The following NFXL1 variants were observed in gnomAD, a reference collection of about 807,000 sequenced individuals.
The protein encoded by NFXL1 is nuclear transcription factor, X-box binding like 1.
A neutral mutation model predicts 123.3 loss-of-function variants in NFXL1; 66 were observed. The observed-to-expected ratio is 0.54, with a 90% confidence interval of 0.44 to 0.66. The LOEUF is 0.66. NFXL1 is among the 30% of genes least tolerant of loss of function. The pLI, the probability that NFXL1 is intolerant of heterozygous loss-of-function variation, is 0.00. For synonymous variants in NFXL1, 346 were observed against 360.8 expected (o/e 0.96, Z 0.46); for missense variants, 944 against 1,125.6 (o/e 0.84, Z 2.31).
chr4:47,899,951 G>A (rs530544911), intron 5 of NFXL1, among the ~76,000 whole-genome samples: 41 of 152,184 alleles, frequency 2.7e-4, no homozygotes, highest in Non-Finnish European at 4.6e-4. Flanking sequence ...CAAAAAGAAA[G>A]TAACATTAGT....
At chr4:47,904,058 T>C (rs978134429) in intron 4 of NFXL1, among the ~76,000 whole-genome samples, 11 of 152,356 alleles carry the variant, frequency 7.2e-5, no homozygotes, top group Middle Eastern at 6.8e-3. Context: ...AACAGCCGAC[T>C]TCTTAGTTTG....
In NFXL1 at chr4:47,851,904, T is replaced by C. The variant is rs191483982; in HGVS notation, c.2460A>G (p.Ser820=). The C allele has an allele frequency of 1.0e-4, 163 of 1,611,930 alleles. No homozygotes were observed. The highest frequency in any genetic ancestry group is 5.0e-4 in the Middle Eastern group (3 of 6,054). ...CCTTGCACGTTGTGTCACATTCTAT[T>C]GAAACCTGATTTTCACGTACTTTGT... ...QCNKVRENQV[S]IECDTTCKEM... The change falls in exon 21 of 23, where the codon TCA becomes TCG. Residue 820 remains serine (S), a synonymous_variant. Transcript: ENST00000507489.
At chr4:47,872,199 C>T (rs1164270747) in intron 18 of NFXL1, among the ~76,000 whole-genome samples, 1 of 152,150 alleles carries the variant, frequency 6.6e-6, no homozygotes. Context: ...CATGGTGGCT[C>T]ACCCCTGTAA....
chr4:47,897,682 C>T (rs1737162553), intron 9 of NFXL1, among the ~76,000 whole-genome samples: 1 of 152,028 alleles, frequency 6.6e-6, no homozygotes, highest in Non-Finnish European at 1.5e-5. Context: ...TGACATATAT[C>T]CACCATTATA....
At chr4:47,898,905 A>T (rs1737240948) in intron 7 of NFXL1, 48 bp from the exon 8 acceptor site, 1 of 1,611,276 alleles carries the variant, frequency 6.2e-7, no homozygotes, top group Non-Finnish European at 8.5e-7. Flanking sequence ...AGCAATAAAG[A>T]TTGCTTTGAC....
At chr4:47,906,769 T>G (rs1484141326) in intron 3 of NFXL1, among the ~76,000 whole-genome samples, 1 of 152,162 alleles carries the variant, frequency 6.6e-6, no homozygotes, top group Non-Finnish European at 1.5e-5. Flanking sequence ...TTTTAAAAAT[T>G]TATGTAAGAT....
rs1247618400 is a variant in NFXL1 at position 47,899,409 on chromosome 4, G to T, written c.787C>A (p.Pro263Thr). 1 of 1,613,734 alleles carries T rather than the reference G, an allele frequency of 6.2e-7. No individual in the cohort carries two copies. The highest frequency in any genetic ancestry group is 1.3e-5 in the African/African-American group (1 of 74,866). ...CGQVCEREFK[P>T]PCGHKCLLLC... is the part of the protein sequence containing the mutation. The stretch of plus-strand genomic sequence containing the variant: ...AGTAAACATTTATGGCCACAAGGAG[G>T]TTTAAATTCACGCTCACATACTTGG... Residue 263 changes from proline (P) to threonine (T), a missense_variant, in exon 6 of 23, where the codon CCT (proline) becomes ACT (threonine). This residue lies in a region of NFXL1 where 296 missense variants were observed against 395.1 expected (regional missense o/e 0.75). Transcript: ENST00000507489.
At position 47,878,586 on chromosome 4, in the gene NFXL1, T is replaced by C; in HGVS notation, c.2018A>G (p.His673Arg). 1.2e-6 allele frequency: 2 copies of C among 1,608,886 alleles called. No homozygotes were observed. Among genetic ancestry groups the C allele is most frequent in the Non-Finnish European group, 1.7e-6 (2 of 1,177,248 alleles). Residue 673 changes from histidine (H) to arginine (R), a missense_variant, in exon 17 of 23, where the codon CAC becomes CGC. Coordinates refer to ENST00000507489, the MANE Select transcript of NFXL1 (RefSeq NM_001278624.2). ...TTTGTGGCATTCTTTCATACATGTG[T>C]GATTCTGACAATCCAAGATTCTTCC... ...VCGRILDCQN[H>R]TCMKECHKVT...
At chr4:47,852,264 A>T (rs369420300) in intron 20 of NFXL1, 5 of 250,538 alleles carry the variant, frequency 2.0e-5, no homozygotes, top group African/African-American at 1.2e-4. Context: ...CAAAGTGTCC[A>T]GGGAATACAA....
chr4:47,868,040 G>A (rs1735202929), intron 18 of NFXL1, among the ~76,000 whole-genome samples: 1 of 152,184 alleles, frequency 6.6e-6, no homozygotes, highest in Non-Finnish European at 1.5e-5. Flanking sequence ...AAAGGGCTGG[G>A]CGCAGTGGCT....
chr4:47,905,446 C>T, intron 3 of NFXL1, 100 bp from the exon 4 acceptor site: 1 of 568,270 alleles, frequency 1.8e-6, no homozygotes, highest in Non-Finnish European at 3.2e-6. Context: ...CTAGCAATAT[C>T]AATTGCTCAA....
chr4:47,903,308 C>A lies in NFXL1; in HGVS notation c.532G>T (p.Gly178Ter). The change falls in exon 5 of 23, where the codon GGA (glycine) becomes TGA (stop). Residue 178 changes from glycine to a stop codon, truncating the protein, a stop_gained. Coordinates refer to ENST00000507489, the MANE Select transcript of NFXL1 (RefSeq NM_001278624.2). LOFTEE classifies it high-confidence loss of function. ...KRNQAVWSCS[G>*]CFCIFHMPCI... Reference sequence around the variant, plus strand: ...GGCATGTGAAATATACAGAAACATCCCGAACAGCTCCAAACCTAAGACAAA... The same window carrying A: ...GGCATGTGAAATATACAGAAACATCACGAACAGCTCCAAACCTAAGACAAA... 6.4e-7 allele frequency: 1 copy of A among 1,557,254 alleles called. No individual in the cohort carries two copies. Among genetic ancestry groups the A allele is most frequent in the South Asian group, 1.2e-5 (1 of 81,864 alleles).
chr4:47,874,957 A>G (rs916629171), intron 18 of NFXL1, among the ~76,000 whole-genome samples, 170 bp downstream of exon 18: 9 of 152,278 alleles, frequency 5.9e-5, no homozygotes, highest in Non-Finnish European at 1.2e-4. Context: ...TGAATTCAGG[A>G]TGAAGTACCC....
intron 14 of NFXL1, 43 bp downstream of exon 14, chr4:47,885,455 C>A: frequency 6.7e-7 from 1 of 1,500,158 alleles, no homozygotes; most frequent in Non-Finnish European, 9.2e-7. Flanking sequence ...GAAAGTACAA[C>A]CCACAGCAAT....
chr4:47,901,274 T>C (rs562370811), intron 5 of NFXL1, among the ~76,000 whole-genome samples: 1 of 152,186 alleles, frequency 6.6e-6, no homozygotes, highest in South Asian at 2.1e-4. Context: ...TTAAACAAAA[T>C]GGGTTCTTAA....
intron 2 of NFXL1, among the ~76,000 whole-genome samples, chr4:47,912,938 A>T (rs1373610343): frequency 2.0e-5 from 3 of 147,058 alleles, no homozygotes; most frequent in Non-Finnish European, 4.5e-5. Context: ...GCCTGAACCC[A>T]GGAGGCAGAG....
chr4:47,888,141 G>GCA (rs1736555593), intron 12 of NFXL1, among the ~76,000 whole-genome samples: 4 of 152,162 alleles, frequency 2.6e-5, no homozygotes, highest in African/African-American at 7.2e-5. Context: ...GGACATGGTG[G>GCA]CATATGCCTG....
rs142811796 is a variant in NFXL1 at position 47,863,485 on chromosome 4, C to T, written c.2247-570G>A. ...TCACTTGAGGCTGGGAGTTCGAGAC[C>T]AGCCTAGCCAACATGGTGAAAGCCC... On this transcript the variant is annotated intron_variant, in intron 18 of 22. Transcript: ENST00000507489. Among the ~76,000 whole-genome samples, 225 of 152,122 alleles carry T rather than the reference C, an allele frequency of 1.5e-3. 6 individuals are homozygous for T. In the East Asian group the frequency reaches 0.042, roughly 28 times the overall value.
rs540790538 is a variant in NFXL1, at chr4:47,851,142, C to T, written c.2515G>A (p.Glu839Lys). Residue 839 changes from glutamate to lysine, a missense_variant, in exon 22 of 23, where the codon GAA becomes AAA. Glu to Lys is a moderately conservative substitution (Grantham distance 56). This residue lies in a region of NFXL1 where 301 missense variants were observed against 348.0 expected (regional missense o/e 0.86). Coordinates refer to ENST00000507489, the MANE Select transcript of NFXL1 (RefSeq NM_001278624.2). ...EMKRKASEIK[E>K]AEAKAALEEE... Reference sequence around the variant, plus strand: ...TCAAGAGCAGCTTTGGCTTCTGCTTCTTTTATCTGTTTATACACATACAAA... The same window carrying T: ...TCAAGAGCAGCTTTGGCTTCTGCTTTTTTTATCTGTTTATACACATACAAA... The T allele has an allele frequency of 1.7e-5, 27 of 1,610,246 alleles. No homozygotes were observed. The African/African-American group carries it at 3.6e-4, about 21-fold the overall frequency.
Sources: allele counts gnomAD v4.1 joint callset (sites outside exome capture counted in the v4.1 genomes callset), GRCh38; gene constraint gnomAD v4.1.1; regional missense constraint gnomAD v4.1.1; transcripts MANE v1.5; gene names NCBI Gene and HGNC (gene_info 2026-07-23, HGNC 2026-07-21).